Variants in MEGF11 observed in about 807,000 individuals in gnomAD.
MEGF11 encodes multiple epidermal growth factor-like domains protein 11.
MEGF11 carries 126 observed loss-of-function variants against 146.6 expected under a neutral mutation model. The observed-to-expected ratio is 0.86, with a 90% CI of 0.74 to 1.00. The LOEUF (loss-of-function observed/expected upper bound fraction) is 1.00. Among genes scored for constraint, MEGF11 ranks in the 50% least tolerant of loss-of-function variants. The pLI is 0.00. For missense variants in MEGF11, 1,509 were observed against 1,521.2 expected, an observed-to-expected ratio of 0.99 and a Z score of 0.13; for synonymous variants, 532 against 583.4, an observed-to-expected ratio of 0.91 and a Z score of 1.27.
intron 1 of MEGF11, among the ~76,000 whole-genome samples, chr15:66,249,573 A>T (rs1216512438): frequency 6.6e-6 from 1 of 151,964 alleles, no homozygotes; most frequent in Non-Finnish European, 1.5e-5. Flanking sequence ...GGCCTCTTGG[A>T]TGGGGAGGGG....
chr15:65,956,225 G>A (rs147973039), intron 10 of MEGF11, among the ~76,000 whole-genome samples: 12 of 152,260 alleles, frequency 7.9e-5, no homozygotes, highest in South Asian at 2.1e-4. Context: ...ACATATCAGC[G>A]TCCTACTCAA....
At chr15:66,169,282 A>G (rs570982778) in intron 1 of MEGF11, among the ~76,000 whole-genome samples, 4 of 152,332 alleles carry the variant, frequency 2.6e-5, no homozygotes, top group Middle Eastern at 3.4e-3. Flanking sequence ...AAATGATGCA[A>G]TTGAGCCACC....
chr15:65,923,183 A>C (rs2079237291), intron 13 of MEGF11, among the ~76,000 whole-genome samples: 1 of 152,242 alleles, frequency 6.6e-6, no homozygotes, highest in Non-Finnish European at 1.5e-5. Flanking sequence ...GGAATTGACC[A>C]AGCAAATGAA....
intron 5 of MEGF11, among the ~76,000 whole-genome samples, chr15:66,063,833 C>G (rs79089133): frequency 0.023 from 3,551 of 152,320 alleles, 142 homozygotes; most frequent in African/African-American, 0.08. Context: ...AGAACCCACT[C>G]TTTGTCAGAC....
At chr15:66,193,855 G>A (rs1171802526) in intron 1 of MEGF11, among the ~76,000 whole-genome samples, 1 of 152,048 alleles carries the variant, frequency 6.6e-6, no homozygotes, top group Non-Finnish European at 1.5e-5. Flanking sequence ...TAAGCTCCAT[G>A]AGTTTAGGGT....
intron 1 of MEGF11, among the ~76,000 whole-genome samples, chr15:66,134,241 C>A (rs763695032): frequency 6.6e-6 from 1 of 152,114 alleles, no homozygotes; most frequent in Non-Finnish European, 1.5e-5. Context: ...ACAGGCACAG[C>A]CTCTGAATTC....
intron 5 of MEGF11, among the ~76,000 whole-genome samples, chr15:66,081,987 C>T (rs1022017810): frequency 2.0e-5 from 3 of 152,162 alleles, no homozygotes; most frequent in Non-Finnish European, 2.9e-5. Flanking sequence ...AGAAGGCAGG[C>T]CCTCGCCAGA....
chr15:66,040,891 C>G (rs1235081534), intron 5 of MEGF11, among the ~76,000 whole-genome samples: 1 of 148,708 alleles, frequency 6.7e-6, no homozygotes, highest in Admixed American at 6.8e-5. Context: ...ACTATAGATT[C>G]GTATCCACTC....
intron 5 of MEGF11, among the ~76,000 whole-genome samples, chr15:66,072,656 T>G (rs2085416671): frequency 6.6e-6 from 1 of 152,238 alleles, no homozygotes; most frequent in Non-Finnish European, 1.5e-5. Context: ...CCACTTTACC[T>G]GAGCCTTCTC....
At chr15:65,961,740 TTGGCTGG>T (rs1319453298) in intron 9 of MEGF11, among the ~76,000 whole-genome samples, 3 of 152,178 alleles carry the variant, frequency 2.0e-5, no homozygotes, top group Non-Finnish European at 2.9e-5. Flanking sequence ...AGGGCTTTCT[TTGGCTGG>T]GGGCTGGGAT....
intron 3 of MEGF11, among the ~76,000 whole-genome samples, chr15:66,123,453 G>A (rs1288144393): frequency 6.6e-6 from 1 of 152,084 alleles, no homozygotes; most frequent in Non-Finnish European, 1.5e-5. Context: ...TTATTTTGGA[G>A]GCAATCCTAG....
intron 4 of MEGF11, among the ~76,000 whole-genome samples, chr15:66,110,805 C>T (rs2087354025): frequency 6.6e-6 from 1 of 152,068 alleles, no homozygotes; most frequent in Admixed American, 6.6e-5. Flanking sequence ...TCAGACAGGC[C>T]CCACCATGCT....
At chr15:66,064,068 T>C (rs1317179390) in intron 5 of MEGF11, among the ~76,000 whole-genome samples, 1 of 152,088 alleles carries the variant, frequency 6.6e-6, no homozygotes, top group African/African-American at 2.4e-5. Context: ...TGAAACGCCA[T>C]AGCAACAAAA....
intron 1 of MEGF11, among the ~76,000 whole-genome samples, chr15:66,130,922 C>T (rs1435724556): frequency 6.6e-6 from 1 of 152,164 alleles, no homozygotes; most frequent in Non-Finnish European, 1.5e-5. Flanking sequence ...GAAAATCAAT[C>T]GTGCTGCAGT....
Position 66,128,414 on chromosome 15 carries a change from G to A in MEGF11, c.-8-3C>T, listed in dbSNP as rs1186120714. 1.4e-6 allele frequency: 2 copies of A among 1,452,722 alleles called. No individual in the cohort carries two copies. Among genetic ancestry groups the A allele is most frequent in the Non-Finnish European group, 9.1e-7 (1 of 1,099,940 alleles). 90.0% of individuals were successfully genotyped at this position (1,452,722 alleles called of 1,614,324 possible). A position where few individuals can be genotyped will look rare whatever the true frequency, so the allele number is the denominator to read the frequency against. On this transcript the variant is annotated splice_polypyrimidine_tract_variant and splice_region_variant and intron_variant, in intron 1 of 25. Coordinates refer to ENST00000395614, the MANE Select transcript of MEGF11 (RefSeq NM_001385028.1). The stretch of plus-strand genomic sequence containing the variant: ...CAGGGAGAGCACCATCCCGGGCCCT[G>A]CACAGGAGAACAAAGGAGGCTGCGT...
intron 1 of MEGF11, among the ~76,000 whole-genome samples, chr15:66,226,734 G>A (rs2091861293): frequency 6.6e-6 from 1 of 152,240 alleles, no homozygotes; most frequent in Non-Finnish European, 1.5e-5. Context: ...ACTGTCCACA[G>A]CATCCACTGG....
intron 1 of MEGF11, among the ~76,000 whole-genome samples, chr15:66,249,353 CA>C (rs1203007233): frequency 1.3e-5 from 2 of 152,018 alleles, no homozygotes; most frequent in African/African-American, 4.8e-5. Context: ...TTTTTTTGGA[CA>C]ATGACCACCC....
intron 1 of MEGF11, among the ~76,000 whole-genome samples, chr15:66,244,226 A>T (rs924949222): frequency 3.3e-5 from 5 of 151,700 alleles, no homozygotes; most frequent in Non-Finnish European, 7.4e-5. Context: ...CCTCCCAGAC[A>T]CCCCCAAAGA....
chr15:66,051,892 T>A (rs2084461688), intron 5 of MEGF11, among the ~76,000 whole-genome samples: 2 of 152,260 alleles, frequency 1.3e-5, no homozygotes, highest in East Asian at 1.9e-4. Context: ...TGAGCCCACA[T>A]TTATAATAGA....
Sources: gnomAD v4.1 joint callset for allele counts (sites outside exome capture counted in the v4.1 genomes callset) on GRCh38, gnomAD v4.1.1 for gene constraint, MANE v1.5 for transcripts, NCBI Gene and HGNC (gene_info 2026-07-23, HGNC 2026-07-21) for gene names.